CCDC171: variants seen among roughly 807,000 people sequenced by gnomAD.
CCDC171 encodes the protein coiled-coil domain-containing protein 171.
CCDC171 carries 177 observed loss-of-function variants against 168.2 expected under a neutral mutation model. The observed-to-expected ratio is 1.05, with a 90% CI of 0.93 to 1.19. The LOEUF is 1.19. Among genes scored for constraint, CCDC171 ranks in the 50% most tolerant of loss-of-function variants. The probability of loss-of-function intolerance (pLI) is 0.00; values close to 1 mark genes in which losing one functional copy is unlikely to be tolerated. For synonymous variants in CCDC171, 687 were observed against 540.8 expected (o/e 1.27, Z -3.75); for missense variants, 1,991 against 1,539.0 (o/e 1.29, Z -4.91).
chr9:15,595,503 A>G (rs1333870149), intron 6 of CCDC171, among the ~76,000 whole-genome samples: 2 of 152,192 alleles, frequency 1.3e-5, no homozygotes, highest in African/African-American at 4.8e-5. Flanking sequence ...GCTGCATAGT[A>G]TTCCATGGTG....
At position 15,902,281 on chromosome 9, in the gene CCDC171, T is replaced by TAC. The variant is rs377019076; in HGVS notation, c.3601-17973_3601-17972dup. ...ATATATGTATATATATATATATATA[T>TAC]ACACACACACACACACATAAAAATT... On this transcript the variant is annotated intron_variant, in intron 24 of 25. Coordinates refer to ENST00000380701, the MANE Select transcript of CCDC171 (RefSeq NM_173550.4). Among the ~76,000 whole-genome samples, 1,255 of 145,164 alleles carry TAC rather than the reference T, an allele frequency of 8.6e-3. 9 individuals are homozygous for TAC. The highest frequency in any genetic ancestry group is 0.013 in the Non-Finnish European group (897 of 66,564).
At chr9:16,099,379 A>C in the CCDC171 span, among the ~76,000 whole-genome samples, 1 of 152,224 alleles carries the variant, frequency 6.6e-6, no homozygotes, top group Non-Finnish European at 1.5e-5. Context: ...ACGCCATCGC[A>C]GTGGCTCTCA....
chr9:15,667,291 C>T (rs2048799999), intron 9 of CCDC171, among the ~76,000 whole-genome samples: 1 of 152,086 alleles, frequency 6.6e-6, no homozygotes. Flanking sequence ...ATCTTAGTTT[C>T]TATTTATGGC....
At chr9:16,061,461 A>G (rs1225444458), downstream of CCDC171, 2 of 152,138 alleles carry the variant, frequency 1.3e-5, no homozygotes, top group Non-Finnish European at 2.9e-5. Context: ...TTGTAGCCTC[A>G]TGTTTATTTT....
chr9:15,730,081 C>A (rs1402981189), intron 16 of CCDC171, among the ~76,000 whole-genome samples: 1 of 151,724 alleles, frequency 6.6e-6, no homozygotes, highest in East Asian at 1.9e-4. Flanking sequence ...AATTATATTT[C>A]CTTTATTTAT....
intron 9 of CCDC171, among the ~76,000 whole-genome samples, chr9:15,672,613 T>C (rs571906701): frequency 6.6e-6 from 1 of 152,338 alleles, no homozygotes; most frequent in East Asian, 1.9e-4. Context: ...AGGGAATCCT[T>C]TCCCCGTTTC....
intron 23 of CCDC171, among the ~76,000 whole-genome samples, chr9:15,863,412 C>A (rs1364002413): frequency 6.6e-6 from 1 of 151,916 alleles, no homozygotes; most frequent in African/African-American, 2.4e-5. Context: ...AAGGAGAGTC[C>A]AGGGTTTCCT....
downstream of CCDC171, among the ~76,000 whole-genome samples, chr9:16,063,162 G>T (rs1447984455): frequency 1.3e-5 from 2 of 152,182 alleles, no homozygotes; most frequent in Non-Finnish European, 1.5e-5. Flanking sequence ...AGTGATAGCA[G>T]GAAAATGCAC....
chr9:16,088,400 T>A, the CCDC171 span, among the ~76,000 whole-genome samples: 1 of 152,106 alleles, frequency 6.6e-6, no homozygotes, highest in Non-Finnish European at 1.5e-5. Flanking sequence ...GAAATAAATG[T>A]ATTCAGATAG....
chr9:15,950,117 G>A (rs537987919), intron 25 of CCDC171, among the ~76,000 whole-genome samples: 1 of 152,088 alleles, frequency 6.6e-6, no homozygotes, highest in African/African-American at 2.4e-5. Context: ...AAGAAATATG[G>A]GACTATGTGA....
chr9:15,571,604 A>G lies in CCDC171; in HGVS notation c.42-20A>G, dbSNP rs2040227080. ...GCTTTATGAGAAGCATATACATTTT[A>G]CTGTAATCTCATTTTAAAGGTTGAA... On this transcript the variant is annotated intron_variant, in intron 2 of 25. Coordinates refer to ENST00000380701, the MANE Select transcript of CCDC171 (RefSeq NM_173550.4). 6.6e-7 allele frequency: 1 copy of G among 1,515,072 alleles called. No individual in the cohort carries two copies. The highest frequency in any genetic ancestry group is 1.4e-5 in the African/African-American group (1 of 69,174). 93.9% of individuals were successfully genotyped at this position (1,515,072 alleles called of 1,614,324 possible).
intron 3 of CCDC171, among the ~76,000 whole-genome samples, chr9:15,573,041 C>G (rs2040357708): frequency 6.6e-6 from 1 of 152,146 alleles, no homozygotes. Flanking sequence ...CACCTGTAAT[C>G]TCAGCTACTT....
chr9:16,091,407 A>C, the CCDC171 span, among the ~76,000 whole-genome samples: 3 of 152,208 alleles, frequency 2.0e-5, no homozygotes, highest in African/African-American at 7.2e-5. Context: ...GGAGAGCATG[A>C]CTGCTCAGTC....
Position 15,704,147 on chromosome 9 carries a change from G to C in CCDC171, c.1318+8810G>C, listed in dbSNP as rs191813667. ...AAATGCAATAAAACAAGGTATGTTA[G>C]GATATCTTTGAGGGAAAAATCTACT... On this transcript the variant is annotated intron_variant, in intron 11 of 25. Transcript: ENST00000380701. 9.2e-5 allele frequency among the ~76,000 whole-genome samples: 14 copies of C among 152,292 alleles called. No individual in the cohort carries two copies. In the East Asian group the frequency reaches 2.7e-3, roughly 29 times the overall value.
intron 3 of CCDC171, among the ~76,000 whole-genome samples, chr9:15,578,478 C>T (rs761991423): frequency 5.4e-4 from 80 of 149,380 alleles, no homozygotes; most frequent in South Asian, 1.3e-3. Flanking sequence ...CCATGTGGCC[C>T]GGGCTGGTCT....
At chr9:15,966,821 A>C (rs1176985277) in intron 25 of CCDC171, among the ~76,000 whole-genome samples, 1 of 152,170 alleles carries the variant, frequency 6.6e-6, no homozygotes, top group African/African-American at 2.4e-5. Context: ...TGTTATTGGT[A>C]GCTAAAAGTT....
At position 15,874,673 on chromosome 9, in the gene CCDC171, TA is replaced by T; in HGVS notation, c.3600+13del. 1 of 1,557,514 alleles carries T rather than the reference TA, an allele frequency of 6.4e-7. No homozygotes were observed. On this transcript the variant is annotated intron_variant, in intron 24 of 25. Coordinates refer to ENST00000380701, the MANE Select transcript of CCDC171 (RefSeq NM_173550.4). ...GGTGGTAGCATGCCAGGTTAGAGTC[TA>T]AATAACATTGTTTGCTACTGAGACA...
chr9:15,949,512 T>C (rs1164005615), intron 25 of CCDC171, among the ~76,000 whole-genome samples: 1 of 152,214 alleles, frequency 6.6e-6, no homozygotes, highest in African/African-American at 2.4e-5. Context: ...CAGTGGTTTG[T>C]ACTTCTCCTT....
intron 1 of CCDC171, 112 bp downstream of exon 1, chr9:15,553,414 C>G (rs918566078): frequency 3.9e-5 from 6 of 152,182 alleles, no homozygotes; most frequent in African/African-American, 1.4e-4. Flanking sequence ...TTGGCGTAGG[C>G]TTTGGGGCAC....
Sources: allele counts gnomAD v4.1 joint callset (sites outside exome capture counted in the v4.1 genomes callset), GRCh38; gene constraint gnomAD v4.1.1; transcripts MANE v1.5; gene names NCBI Gene and HGNC (gene_info 2026-07-23, HGNC 2026-07-21).